Variants in SEMA5A observed in about 807,000 individuals in gnomAD.
SEMA5A encodes the protein semaphorin-5A.
In SEMA5A, 55 loss-of-function variants were observed where a neutral mutation model predicts 135.5. The observed-to-expected ratio is 0.41, with a 90% CI of 0.33 to 0.51. The LOEUF (loss-of-function observed/expected upper bound fraction) is 0.51. Among genes scored for constraint, SEMA5A ranks in the 20% least tolerant of loss-of-function variants. The probability of loss-of-function intolerance (pLI) is 0.37; values close to 1 mark genes in which losing one functional copy is unlikely to be tolerated. For synonymous variants in SEMA5A, 580 were observed against 546.5 expected, an observed-to-expected ratio of 1.06 and a Z score of -0.85; for missense variants, 1,290 against 1,419.9, an observed-to-expected ratio of 0.91 and a Z score of 1.47.
chr5:9,207,254 C>A (rs1746084352), intron 8 of SEMA5A, among the ~76,000 whole-genome samples: 1 of 151,662 alleles, frequency 6.6e-6, no homozygotes, highest in African/African-American at 2.4e-5. Flanking sequence ...GGTGCGATCT[C>A]AGCTCACTGC....
rs1252726276 is a variant in SEMA5A, at chr5:9,197,048, C to T, written c.1068+120G>A. The T allele has an allele frequency of 5.8e-6, 8 of 1,386,758 alleles. No homozygotes were observed. In the East Asian group the frequency reaches 1.9e-4, roughly 32 times the overall value. The allele number at this position is 1,386,758 out of a possible 1,614,324, so 85.9% of individuals were successfully genotyped here. On this transcript the variant is annotated intron_variant, in intron 10 of 22. Transcript: ENST00000382496. ...GAGTATGGGGCTGTCCATGAGGGGC[C>T]AGGGAGACAGCTGCATGGTGCATGC... is the stretch of plus-strand genomic sequence containing the variant.
chr5:9,430,833 T>A (rs1283804542), intron 2 of SEMA5A, among the ~76,000 whole-genome samples: 1 of 151,822 alleles, frequency 6.6e-6, no homozygotes, highest in East Asian at 1.9e-4. Flanking sequence ...TTAAACCAAG[T>A]TTTTTTTGTT....
At chr5:9,283,030 T>C (rs1430464663) in intron 5 of SEMA5A, among the ~76,000 whole-genome samples, 1 of 152,190 alleles carries the variant, frequency 6.6e-6, no homozygotes, top group Non-Finnish European at 1.5e-5. Context: ...AGACCAATTT[T>C]GAACTTCTGG....
In SEMA5A at chr5:9,122,846, C is replaced by A. The variant is rs1376806623; in HGVS notation, c.1600-9G>T. ...ACGGTGAGATTCCTGGTCTAGGAAG[C>A]AAAACCAAGCAGAGGTGTCAGAAAA... is the stretch of plus-strand genomic sequence containing the variant. On this transcript the variant is annotated splice_polypyrimidine_tract_variant and intron_variant, in intron 13 of 22. Coordinates refer to ENST00000382496, the MANE Select transcript of SEMA5A (RefSeq NM_003966.3). 1 of 1,582,092 alleles carries A rather than the reference C, an allele frequency of 6.3e-7. No individual in the cohort carries two copies. The highest frequency in any genetic ancestry group is 1.1e-5 in the South Asian group (1 of 87,572).
At chr5:9,218,609 A>C (rs1162860563) in intron 8 of SEMA5A, among the ~76,000 whole-genome samples, 2 of 152,190 alleles carry the variant, frequency 1.3e-5, no homozygotes, top group Non-Finnish European at 2.9e-5. Flanking sequence ...TGCTGAGACA[A>C]TTTTCTTTCC....
intron 4 of SEMA5A, among the ~76,000 whole-genome samples, chr5:9,326,596 A>G (rs556578785): frequency 5.7e-4 from 86 of 152,086 alleles, no homozygotes; most frequent in African/African-American, 2.0e-3. Context: ...CCTGGCCAAC[A>G]TGGCGGGAAC....
chr5:9,410,067 CT>C (rs1561230545), intron 2 of SEMA5A, among the ~76,000 whole-genome samples: 1 of 152,004 alleles, frequency 6.6e-6, no homozygotes, highest in Non-Finnish European at 1.5e-5. Context: ...ATGAGAATTT[CT>C]TTTTTTAGAG....
intron 1 of SEMA5A, among the ~76,000 whole-genome samples, chr5:9,444,765 A>C (rs1480092802): frequency 6.6e-6 from 1 of 152,196 alleles, no homozygotes; most frequent in Non-Finnish European, 1.5e-5. Flanking sequence ...AAATGCTGAG[A>C]GCGGAGTTAG....
At chr5:9,088,002 C>T (rs1313614392) in intron 16 of SEMA5A, among the ~76,000 whole-genome samples, 1 of 152,142 alleles carries the variant, frequency 6.6e-6, no homozygotes, top group Non-Finnish European at 1.5e-5. Context: ...AATATGAAGA[C>T]AGTGGCCGGG....
At chr5:9,543,738 C>A (rs1189037373) in intron 1 of SEMA5A, among the ~76,000 whole-genome samples, 2 of 151,648 alleles carry the variant, frequency 1.3e-5, no homozygotes, top group Admixed American at 1.3e-4. Context: ...GATGAGCAAG[C>A]TTCTATCTCC....
intron 2 of SEMA5A, among the ~76,000 whole-genome samples, chr5:9,382,225 A>C (rs1755650837): frequency 6.6e-6 from 1 of 152,180 alleles, no homozygotes; most frequent in Non-Finnish European, 1.5e-5. Flanking sequence ...GCATTAGTCC[A>C]GAAGCTCAAG....
chr5:9,511,120 C>A (rs1736181994), intron 1 of SEMA5A, among the ~76,000 whole-genome samples: 1 of 152,074 alleles, frequency 6.6e-6, no homozygotes, highest in African/African-American at 2.4e-5. Flanking sequence ...CTCATTCAAA[C>A]CCTATGGAAT....
intron 3 of SEMA5A, among the ~76,000 whole-genome samples, chr5:9,343,093 A>T (rs1753721109): frequency 6.6e-6 from 1 of 152,218 alleles, no homozygotes; most frequent in Non-Finnish European, 1.5e-5. Context: ...GAAATACAAC[A>T]GAAAGCTGGG....
intron 1 of SEMA5A, among the ~76,000 whole-genome samples, chr5:9,454,867 A>G (rs911292823): frequency 2.0e-5 from 3 of 152,230 alleles, no homozygotes; most frequent in Non-Finnish European, 4.4e-5. Flanking sequence ...CTACATTGTC[A>G]GTTGTCAAAA....
intron 12 of SEMA5A, among the ~76,000 whole-genome samples, chr5:9,149,004 G>A (rs1742488017): frequency 6.6e-6 from 1 of 152,286 alleles, no homozygotes; most frequent in East Asian, 1.9e-4. Context: ...ACAAGTGTGA[G>A]CCACCATGCC....
rs752477752 is a variant in SEMA5A, at chr5:9,122,680, C to T, written c.1757G>A (p.Gly586Asp). Residue 586 changes from glycine to aspartate, a missense_variant, in exon 14 of 23, where the codon GGC (glycine) becomes GAC (aspartate). Transcript: ENST00000382496. ...QCGGWQCEGP[G>D]MEIANCSRNG... ...CCTGGAACAGTTGGCGATCTCCATG[C>T]CAGGGCCCTCGCACTGCCAGCCACC... 5 of 1,606,028 alleles carry T rather than the reference C, an allele frequency of 3.1e-6. No individual in the cohort carries two copies. The South Asian group carries it at 4.4e-5, about 14-fold the overall frequency.
intron 3 of SEMA5A, among the ~76,000 whole-genome samples, chr5:9,368,383 G>A (rs906809776): frequency 5.3e-5 from 8 of 152,232 alleles, no homozygotes; most frequent in East Asian, 3.9e-4. Context: ...TGGGACTAAC[G>A]TAATTTCAAA....
intron 5 of SEMA5A, among the ~76,000 whole-genome samples, chr5:9,263,450 T>C (rs1749512954): frequency 6.6e-6 from 1 of 152,190 alleles, no homozygotes; most frequent in Non-Finnish European, 1.5e-5. Context: ...ATCTACTCTT[T>C]ATGGGACTCT....
intron 2 of SEMA5A, among the ~76,000 whole-genome samples, chr5:9,399,976 C>T (rs576484477): frequency 4.1e-4 from 63 of 152,202 alleles, no homozygotes; most frequent in African/African-American, 1.5e-3. Context: ...TACTATGCAG[C>T]CATAAAAAAG....
Sources: gnomAD v4.1 joint callset for allele counts (sites outside exome capture counted in the v4.1 genomes callset) on GRCh38, gnomAD v4.1.1 for gene constraint, MANE v1.5 for transcripts, NCBI Gene and HGNC (gene_info 2026-07-23, HGNC 2026-07-21) for gene names.